FGGY: variants seen among roughly 807,000 people sequenced by gnomAD.
The protein encoded by FGGY is FGGY carbohydrate kinase domain-containing protein.
A neutral mutation model predicts 71.3 loss-of-function variants in FGGY; 72 were observed. The observed-to-expected ratio is 1.01, with a 90% CI of 0.84 to 1.23. FGGY has a LOEUF of 1.23. FGGY is among the 50% of genes most tolerant of loss of function. The pLI is 0.00. For missense variants in FGGY, 668 were observed against 682.3 expected, an observed-to-expected ratio of 0.98 and a Z score of 0.23; for synonymous variants, 251 against 250.3, an observed-to-expected ratio of 1.00 and a Z score of -0.02.
At chr1:59,556,584 G>A (rs1368402593) in intron 8 of FGGY, among the ~76,000 whole-genome samples, 2 of 152,180 alleles carry the variant, frequency 1.3e-5, no homozygotes, top group Non-Finnish European at 2.9e-5. Context: ...GAGAACATGG[G>A]CTTTTACATT....
At chr1:59,566,735 G>A (rs1164368096) in intron 8 of FGGY, among the ~76,000 whole-genome samples, 1 of 152,132 alleles carries the variant, frequency 6.6e-6, no homozygotes, top group African/African-American at 2.4e-5. Flanking sequence ...GAAAGTTACT[G>A]TCAGTTATAC....
chr1:59,447,301 A>G (rs961125921), intron 5 of FGGY, among the ~76,000 whole-genome samples: 6 of 152,090 alleles, frequency 3.9e-5, no homozygotes, highest in Non-Finnish European at 1.5e-5. Context: ...TGCTCTCCCA[A>G]TTAGCCTTAT....
chr1:59,597,554 C>T (rs1271803248), intron 8 of FGGY, among the ~76,000 whole-genome samples: 3 of 152,136 alleles, frequency 2.0e-5, no homozygotes, highest in Non-Finnish European at 4.4e-5. Flanking sequence ...AAATAAGAAA[C>T]TCACCCTGGC....
At chr1:59,551,717 G>A (rs1462993282) in intron 7 of FGGY, among the ~76,000 whole-genome samples, 1 of 152,104 alleles carries the variant, frequency 6.6e-6, no homozygotes, top group Non-Finnish European at 1.5e-5. Flanking sequence ...TGACCCTGGT[G>A]AAGTTACTAC....
intron 9 of FGGY, among the ~76,000 whole-genome samples, chr1:59,616,580 A>T (rs191836786): frequency 1.1e-3 from 169 of 152,326 alleles, no homozygotes; most frequent in African/African-American, 4.0e-3. Context: ...ATGTATACAT[A>T]TGTAACAAAC....
intron 4 of FGGY, among the ~76,000 whole-genome samples, chr1:59,373,734 G>A (rs1034965520): frequency 5.9e-5 from 9 of 152,020 alleles, no homozygotes; most frequent in Non-Finnish European, 1.0e-4. Context: ...ACAGAACAGA[G>A]CCCTCAGAAA....
chr1:59,658,969 C>A (rs1398987411), intron 11 of FGGY, among the ~76,000 whole-genome samples: 1 of 152,162 alleles, frequency 6.6e-6, no homozygotes, highest in East Asian at 1.9e-4. Context: ...CAACTGTAAT[C>A]CCAGCACTTT....
intron 2 of FGGY, among the ~76,000 whole-genome samples, chr1:59,330,547 C>T (rs1028762664): frequency 6.9e-5 from 10 of 145,500 alleles, no homozygotes; most frequent in South Asian, 2.2e-4. Context: ...CCAGCCTGGG[C>T]GACAAAGCAA....
chr1:59,501,102 T>G (rs1472855905), intron 6 of FGGY, among the ~76,000 whole-genome samples: 2 of 152,192 alleles, frequency 1.3e-5, no homozygotes, highest in African/African-American at 4.8e-5. Flanking sequence ...TCACCCATTG[T>G]TAGGAGGCTG....
chr1:59,726,113 T>C (rs1470387989), intron 14 of FGGY, among the ~76,000 whole-genome samples: 1 of 152,170 alleles, frequency 6.6e-6, no homozygotes, highest in East Asian at 1.9e-4. Flanking sequence ...CTGTGAATTT[T>C]TAATTTTTAA....
At chr1:59,697,066 C>T (rs2097666684) in intron 14 of FGGY, among the ~76,000 whole-genome samples, 1 of 152,046 alleles carries the variant, frequency 6.6e-6, no homozygotes, top group Non-Finnish European at 1.5e-5. Flanking sequence ...AATACCTTTA[C>T]TTCAAAAAAT....
At chr1:59,711,336 T>G (rs2097792553) in intron 14 of FGGY, among the ~76,000 whole-genome samples, 1 of 152,142 alleles carries the variant, frequency 6.6e-6, no homozygotes. Flanking sequence ...AAATACCTAA[T>G]GTAGACAACG....
intron 9 of FGGY, among the ~76,000 whole-genome samples, chr1:59,614,969 A>G (rs1347680011): frequency 6.6e-6 from 1 of 152,204 alleles, no homozygotes; most frequent in Non-Finnish European, 1.5e-5. Flanking sequence ...TTCAAGGAGA[A>G]CTACAAACCA....
chr1:59,485,833 A>G (rs1195215917), intron 6 of FGGY, among the ~76,000 whole-genome samples: 1 of 152,180 alleles, frequency 6.6e-6, no homozygotes, highest in East Asian at 1.9e-4. Context: ...ACAGATGGTC[A>G]GTCACAGAGA....
At chr1:59,609,808 G>A (rs1254739542) in intron 9 of FGGY, among the ~76,000 whole-genome samples, 1 of 152,186 alleles carries the variant, frequency 6.6e-6, no homozygotes, top group Non-Finnish European at 1.5e-5. Flanking sequence ...TGGGTAGATG[G>A]ATTCAAAGGG....
chr1:59,377,011 C>T (rs1226257674), intron 4 of FGGY, among the ~76,000 whole-genome samples: 1 of 152,160 alleles, frequency 6.6e-6, no homozygotes, highest in Non-Finnish European at 1.5e-5. Flanking sequence ...ATTCTAAGTT[C>T]TTGGGAGAAG....
At chr1:59,346,968 T>TA (rs1553153692) in intron 4 of FGGY, among the ~76,000 whole-genome samples, 2 of 144,272 alleles carry the variant, frequency 1.4e-5, no homozygotes, top group African/African-American at 2.5e-5. Flanking sequence ...TTTTTTTTTT[T>TA]AAGTATCAAT....
At chr1:59,366,767 A>G (rs1011498476) in intron 4 of FGGY, among the ~76,000 whole-genome samples, 2 of 152,078 alleles carry the variant, frequency 1.3e-5, no homozygotes, top group African/African-American at 2.4e-5. Flanking sequence ...AGGTATATCA[A>G]TGAATAATTA....
intron 14 of FGGY, among the ~76,000 whole-genome samples, chr1:59,711,351 G>A (rs1573548335): frequency 3.3e-5 from 5 of 152,038 alleles, no homozygotes; most frequent in Admixed American, 6.6e-5. Context: ...ACAACGGGTC[G>A]GTGGGTACAG....
Sources: allele counts gnomAD v4.1 joint callset (sites outside exome capture counted in the v4.1 genomes callset), GRCh38; gene constraint gnomAD v4.1.1; transcripts MANE v1.5; gene names NCBI Gene and HGNC (gene_info 2026-07-23, HGNC 2026-07-21).